The following ACBD6 variants were observed in gnomAD, a reference collection of about 807,000 sequenced individuals.
ACBD6 encodes acyl-CoA-binding domain-containing protein 6.
Under a neutral mutation model 37.2 loss-of-function variants are expected in ACBD6, and 28 were observed. That is an observed-to-expected ratio of 0.75 (90% CI 0.56 to 1.03). The LOEUF is 1.03. Among genes scored for constraint, ACBD6 ranks in the 50% least tolerant of loss-of-function variants. The probability of loss-of-function intolerance (pLI) is 0.00; values close to 1 mark genes in which losing one functional copy is unlikely to be tolerated. For missense variants in ACBD6, 340 were observed against 337.4 expected (o/e 1.01, Z -0.06); for synonymous variants, 113 against 126.8 (o/e 0.89, Z 0.73).
At chr1:180,296,895 G>A (rs1199498358) in intron 7 of ACBD6, among the ~76,000 whole-genome samples, 1 of 152,070 alleles carries the variant, frequency 6.6e-6, no homozygotes, top group Non-Finnish European at 1.5e-5. Context: ...GGGAGGCCAA[G>A]GTGGGCAGAT....
chr1:180,329,924 C>T (rs191936536), intron 6 of ACBD6, among the ~76,000 whole-genome samples: 1 of 152,244 alleles, frequency 6.6e-6, no homozygotes, highest in African/African-American at 2.4e-5. Context: ...AATAATGGAA[C>T]TAACTTGTTA....
intron 7 of ACBD6, among the ~76,000 whole-genome samples, chr1:180,299,690 C>T (rs1420141357): frequency 6.6e-6 from 1 of 152,056 alleles, no homozygotes; most frequent in Non-Finnish European, 1.5e-5. Context: ...AAAGCCTGCC[C>T]ACTCTGAAAT....
Position 180,502,066 on chromosome 1 carries a change from G to A in ACBD6, c.201C>T (p.Tyr67=), listed in dbSNP as rs1652003401. The change falls in exon 1 of 8, where the codon TAC becomes TAT. Residue 67 remains tyrosine, a synonymous_variant. Coordinates refer to ENST00000367595, the MANE Select transcript of ACBD6 (RefSeq NM_032360.4). ...TTACCTGTTTGTACCTGGCATACAG[G>A]TACAAGAGCTGCTCCCTGCTGGCCA... ...IQVASREQLL[Y]LYARYKQVKV... The A allele has an allele frequency of 1.2e-6, 2 of 1,613,632 alleles. No individual in the cohort carries two copies. Among genetic ancestry groups the A allele is most frequent in the Non-Finnish European group, 1.7e-6 (2 of 1,179,908 alleles).
chr1:180,429,871 G>C (rs967915525), intron 4 of ACBD6, among the ~76,000 whole-genome samples: 3 of 152,106 alleles, frequency 2.0e-5, no homozygotes, highest in Non-Finnish European at 4.4e-5. Flanking sequence ...GTCATTGAAT[G>C]AGACAGTCGT....
At chr1:180,483,695 T>G (rs1004976726) in intron 3 of ACBD6, among the ~76,000 whole-genome samples, 1 of 152,194 alleles carries the variant, frequency 6.6e-6, no homozygotes, top group Non-Finnish European at 1.5e-5. Flanking sequence ...ATATGCAAAA[T>G]ACATACTATT....
At position 180,427,233 on chromosome 1, in the gene ACBD6, T is replaced by C. The variant is rs148859295; in HGVS notation, c.467+2947A>G. Among the ~76,000 whole-genome samples, 953 of 152,306 alleles carry C rather than the reference T, an allele frequency of 6.3e-3. 10 individuals are homozygous for C. The highest frequency in any genetic ancestry group is 0.022 in the African/African-American group (905 of 41,560). On this transcript the variant is annotated intron_variant, in intron 4 of 7. Coordinates refer to ENST00000367595, the MANE Select transcript of ACBD6 (RefSeq NM_032360.4). ...ATTAGATAGTGATTTGCCTGATCTT[T>C]ACAAATGTAAAAAAAATCTGGAGTT... is the stretch of plus-strand genomic sequence containing the variant.
intron 3 of ACBD6, among the ~76,000 whole-genome samples, chr1:180,458,588 TA>T (rs1650010255): frequency 6.6e-6 from 1 of 152,086 alleles, no homozygotes; most frequent in African/African-American, 2.4e-5. Context: ...AAACAGGAAT[TA>T]ACCAGGGCCT....
chr1:180,449,553 G>T (rs1398103330), intron 3 of ACBD6, among the ~76,000 whole-genome samples: 1 of 151,814 alleles, frequency 6.6e-6, no homozygotes, highest in Non-Finnish European at 1.5e-5. Context: ...GATTACAGGT[G>T]CCCGCCACCA....
intron 6 of ACBD6, among the ~76,000 whole-genome samples, chr1:180,339,565 G>A (rs181316527): frequency 2.7e-4 from 41 of 152,106 alleles, no homozygotes; most frequent in African/African-American, 9.2e-4. Context: ...ATAGCGTTAG[G>A]AGATATAGCT....
At chr1:180,280,128 T>C (rs1649262389) in intron 9 of ACBD6, among the ~76,000 whole-genome samples, 2 of 152,236 alleles carry the variant, frequency 1.3e-5, no homozygotes, top group African/African-American at 4.8e-5. Flanking sequence ...ATAAAACAGT[T>C]CTATCATTGC....
At chr1:180,488,103 T>TTG (rs59324454) in intron 3 of ACBD6, among the ~76,000 whole-genome samples, 14,973 of 150,838 alleles carry the variant, frequency 0.099, 997 homozygotes, top group African/African-American at 0.18. Context: ...TGTGTGTGTG[T>TTG]TGTGTGTGTG....
chr1:180,459,838 C>T (rs767221694), intron 3 of ACBD6, among the ~76,000 whole-genome samples: 3 of 151,900 alleles, frequency 2.0e-5, no homozygotes, highest in Non-Finnish European at 4.4e-5. Flanking sequence ...CACATATGAC[C>T]TCAAAAAAAC....
intron 5 of ACBD6, among the ~76,000 whole-genome samples, chr1:180,407,920 A>C (rs957805155): frequency 6.6e-6 from 1 of 152,236 alleles, no homozygotes; most frequent in Non-Finnish European, 1.5e-5. Flanking sequence ...GTGACTTTGA[A>C]AAGTTAAGTG....
chr1:180,327,060 T>C (rs1164712137), intron 6 of ACBD6, among the ~76,000 whole-genome samples: 1 of 152,100 alleles, frequency 6.6e-6, no homozygotes, highest in Non-Finnish European at 1.5e-5. Flanking sequence ...TGGTCCACTG[T>C]CTCTAAGCCC....
At chr1:180,376,975 G>A (rs938778283) in intron 6 of ACBD6, among the ~76,000 whole-genome samples, 4 of 152,142 alleles carry the variant, frequency 2.6e-5, no homozygotes, top group African/African-American at 7.2e-5. Flanking sequence ...AGTAACTTTG[G>A]AAAACAGTAT....
chr1:180,337,077 A>G (rs945367839), intron 6 of ACBD6, among the ~76,000 whole-genome samples: 1 of 152,188 alleles, frequency 6.6e-6, no homozygotes, highest in Admixed American at 6.5e-5. Flanking sequence ...CCAGAGGTAC[A>G]AGGAGGAGCT....
At chr1:180,320,417 CT>C (rs1447484220) in intron 6 of ACBD6, among the ~76,000 whole-genome samples, 2 of 152,184 alleles carry the variant, frequency 1.3e-5, no homozygotes, top group Non-Finnish European at 2.9e-5. Context: ...AGATGGATCA[CT>C]TGAGGCCAGG....
In ACBD6 at chr1:180,356,422, T is replaced by A. The variant is rs571995307; in HGVS notation, c.663+41094A>T. ...TCTGGGCTCTAGCTATCCACCTGCC[T>A]CAGCCTCCCAAAGTGCTGGGATTAC... On this transcript the variant is annotated intron_variant, in intron 6 of 7. Coordinates refer to ENST00000367595, the MANE Select transcript of ACBD6 (RefSeq NM_032360.4). Among the ~76,000 whole-genome samples the A allele has an allele frequency of 5.9e-5, 9 of 152,160 alleles. No individual in the cohort carries two copies. In the South Asian group the frequency reaches 1.7e-3, roughly 28 times the overall value.
chr1:180,417,327 A>G (rs1019394592), intron 4 of ACBD6, among the ~76,000 whole-genome samples: 2 of 152,082 alleles, frequency 1.3e-5, no homozygotes, highest in African/African-American at 2.4e-5. Context: ...TGTAAAGGAG[A>G]GGCATTACAC....
Sources: allele counts gnomAD v4.1 joint callset (sites outside exome capture counted in the v4.1 genomes callset), GRCh38; gene constraint gnomAD v4.1.1; transcripts MANE v1.5; gene names NCBI Gene and HGNC (gene_info 2026-07-23, HGNC 2026-07-21).